Variants in PTPRN2 observed in about 807,000 individuals in gnomAD.
PTPRN2 encodes the protein protein tyrosine phosphatase receptor type N2.
PTPRN2 carries 74 observed loss-of-function variants against 118.8 expected under a neutral mutation model. The observed-to-expected ratio is 0.62, with a 90% CI of 0.52 to 0.76. PTPRN2 has a LOEUF of 0.76. PTPRN2 is among the 30% of genes least tolerant of loss of function. The pLI, the probability that PTPRN2 is intolerant of heterozygous loss-of-function variation, is 0.00. For missense variants in PTPRN2, 1,481 were observed against 1,394.4 expected (o/e 1.06, Z -0.99); for synonymous variants, 641 against 608.0 (o/e 1.05, Z -0.80).
chr7:158,001,834 G>A (rs540519097), intron 11 of PTPRN2, among the ~76,000 whole-genome samples: 92 of 152,336 alleles, frequency 6.0e-4, no homozygotes, highest in Non-Finnish European at 9.9e-4. Flanking sequence ...ACCCGGAACC[G>A]TGCCAGGCAC....
At chr7:158,193,381 A>G (rs1044278045) in intron 4 of PTPRN2, among the ~76,000 whole-genome samples, 1 of 152,206 alleles carries the variant, frequency 6.6e-6, no homozygotes, top group Non-Finnish European at 1.5e-5. Context: ...TGGGGCCCCC[A>G]TCACCAGCTT....
Position 157,585,063 on chromosome 7 carries a change from A to G in PTPRN2, c.2497-6923T>C, listed in dbSNP as rs528265964. ...CCTGGCTTTTTTTTAGTAAACAAAT[A>G]TCTCAGTGTGGGATTCATTTAGGGA... On this transcript the variant is annotated intron_variant, in intron 17 of 22. Coordinates refer to ENST00000389418, the MANE Select transcript of PTPRN2 (RefSeq NM_002847.5). The surrounding 1 kb of genome is among the most constrained non-coding windows in gnomAD (Gnocchi z 5.2). Among the ~76,000 whole-genome samples, 1 of 152,096 alleles carries G rather than the reference A, an allele frequency of 6.6e-6. No individual in the cohort carries two copies. The highest frequency in any genetic ancestry group is 1.5e-5 in the Non-Finnish European group (1 of 68,022).
At chr7:158,408,128 A>C (rs1399188193) in intron 2 of PTPRN2, among the ~76,000 whole-genome samples, 1 of 152,244 alleles carries the variant, frequency 6.6e-6, no homozygotes, top group East Asian at 1.9e-4. Flanking sequence ...AGTTACACTG[A>C]CATCTGGTGG....
intron 2 of PTPRN2, among the ~76,000 whole-genome samples, chr7:158,376,478 A>G (rs1450138261): frequency 8.8e-6 from 1 of 113,342 alleles, no homozygotes; most frequent in African/African-American, 3.5e-5. Flanking sequence ...ACGTCCTGAG[A>G]GGGGGGTCAG....
chr7:158,155,499 T>TTGC (rs1821639473), intron 6 of PTPRN2, among the ~76,000 whole-genome samples: 2 of 86,812 alleles, frequency 2.3e-5, no homozygotes, highest in Non-Finnish European at 4.8e-5. Context: ...ACCATCACCA[T>TTGC]CATCACCAAT....
intron 12 of PTPRN2, among the ~76,000 whole-genome samples, chr7:157,695,760 C>T (rs1205278536): frequency 1.3e-5 from 2 of 152,198 alleles, no homozygotes; most frequent in East Asian, 3.8e-4. Flanking sequence ...GTGAGAAGTC[C>T]TTATTCATCA....
intron 11 of PTPRN2, among the ~76,000 whole-genome samples, chr7:158,032,057 A>G (rs9638116): frequency 0.91 from 138,412 of 152,308 alleles, 63,072 homozygotes; most frequent in African/African-American, 0.97. Flanking sequence ...AAAGAAGAGC[A>G]GCCATTCTGG....
rs145381814 is a variant in PTPRN2, at chr7:157,622,142, G to A, written c.2197-633C>T. On this transcript the variant is annotated intron_variant, in intron 14 of 22. Transcript: ENST00000389418. The surrounding 1 kb of genome is among the most constrained non-coding windows in gnomAD (Gnocchi z 5.3). ...CCCATGCCGCCAGCACAGCCCACTC[G>A]GTTCTTATTCATCTGTACCGTTGAG... 3.0e-4 allele frequency among the ~76,000 whole-genome samples: 46 copies of A among 152,048 alleles called. No homozygotes were observed. The highest frequency in any genetic ancestry group is 9.9e-4 in the African/African-American group (41 of 41,484).
chr7:157,996,511 C>T lies in PTPRN2; in HGVS notation c.1723+84787G>A, dbSNP rs145086776. On this transcript the variant is annotated intron_variant, in intron 11 of 22. Transcript: ENST00000389418. ...GCCAGGGGAGCTTTGGTCTCTCACA[C>T]GGCTTAGAGCCCTTCCTTCCAAGGC... 3.2e-3 allele frequency among the ~76,000 whole-genome samples: 480 copies of T among 152,302 alleles called. 4 individuals are homozygous for T. Among genetic ancestry groups the T allele is most frequent in the Middle Eastern group, 0.01 (3 of 294 alleles).
At position 158,133,818 on chromosome 7, in the gene PTPRN2, T is replaced by C. The variant is rs1585559297; in HGVS notation, c.1415A>G (p.Glu472Gly). ...GGGCCCAGGCATCTGGTTTTGGAGC[T>C]CCCCAAACGCAGCGGCCCCGGGCTC... The part of the protein sequence containing the change: ...HSEPGAAAFG[E>G]LQNQMPGPSK... The change falls in exon 9 of 23, where the codon GAG becomes GGG. Residue 472 changes from glutamate (E) to glycine (G), a missense_variant. Glu to Gly is a moderately conservative substitution (Grantham distance 98). Around this residue, in one of 3 missense-constraint regions of PTPRN2, gnomAD observed 1,115 missense variants for 994.2 expected, o/e 1.12. Transcript: ENST00000389418. 3 of 1,613,784 alleles carry C rather than the reference T, an allele frequency of 1.9e-6. No individual in the cohort carries two copies. The highest frequency in any genetic ancestry group is 1.6e-4 in the Middle Eastern group (1 of 6,082).
At position 157,869,922 on chromosome 7, in the gene PTPRN2, T is replaced by C. The variant is rs1810948810; in HGVS notation, c.1788+28751A>G. Among the ~76,000 whole-genome samples the C allele has an allele frequency of 6.6e-6, 1 of 152,214 alleles. No homozygotes were observed. The highest frequency in any genetic ancestry group is 1.5e-5 in the Non-Finnish European group (1 of 68,042). On this transcript the variant is annotated intron_variant, in intron 12 of 22. Coordinates refer to ENST00000389418, the MANE Select transcript of PTPRN2 (RefSeq NM_002847.5). This position sits in a 1 kb window ranked among gnomAD's most constrained non-coding sequence, Gnocchi z 4.2. Reference sequence around the variant, plus strand: ...TTGAGCATCCCAACATCTACTGCCATGACCTTTGCTCTTGATCAGTCTGCT... The same window carrying C: ...TTGAGCATCCCAACATCTACTGCCACGACCTTTGCTCTTGATCAGTCTGCT...
At chr7:157,950,857 G>A (rs891051724) in intron 11 of PTPRN2, among the ~76,000 whole-genome samples, 1 of 152,220 alleles carries the variant, frequency 6.6e-6, no homozygotes, top group Admixed American at 6.5e-5. Context: ...CGGAAGTCAG[G>A]TGCAGATGTG....
At chr7:158,252,344 A>G (rs572762866) in intron 3 of PTPRN2, among the ~76,000 whole-genome samples, 2 of 152,298 alleles carry the variant, frequency 1.3e-5, no homozygotes, top group South Asian at 4.1e-4. Flanking sequence ...CCCCGTGCCC[A>G]GGGTGGTGAG....
At chr7:158,372,868 TG>T (rs1243535460) in intron 2 of PTPRN2, among the ~76,000 whole-genome samples, 2 of 152,226 alleles carry the variant, frequency 1.3e-5, no homozygotes, top group Non-Finnish European at 2.9e-5. Context: ...TTCTCCAGGC[TG>T]TGATTCAGCA....
intron 1 of PTPRN2, among the ~76,000 whole-genome samples, chr7:158,523,485 AGTGGAGT>A (rs1824408750): frequency 9.5e-6 from 1 of 104,776 alleles, no homozygotes; most frequent in African/African-American, 3.9e-5. Flanking sequence ...TCTGCCCTGG[AGTGGAGT>A]CGTCTGCCCT....
In PTPRN2 at chr7:157,990,271, C is replaced by A. The variant is rs146901732; in HGVS notation, c.1723+91027G>T. Among the ~76,000 whole-genome samples the A allele has an allele frequency of 3.0e-3, 453 of 152,196 alleles. 7 individuals are homozygous for A. The highest frequency in any genetic ancestry group is 8.8e-3 in the East Asian group (45 of 5,136). On this transcript the variant is annotated intron_variant, in intron 11 of 22. Coordinates refer to ENST00000389418, the MANE Select transcript of PTPRN2 (RefSeq NM_002847.5). The surrounding 1 kb of genome is among the most constrained non-coding windows in gnomAD (Gnocchi z 4.3). ...GAGTTCAACAGATCATAAGCAGGATCCAGGGTCGTGTAGCGACACAGCTTC... is the reference window on the plus strand; with the variant it reads ...GAGTTCAACAGATCATAAGCAGGATACAGGGTCGTGTAGCGACACAGCTTC...
At chr7:157,636,830 C>T (rs1395813760) in intron 14 of PTPRN2, among the ~76,000 whole-genome samples, 1 of 152,216 alleles carries the variant, frequency 6.6e-6, no homozygotes, top group East Asian at 1.9e-4. Flanking sequence ...CTCTGCTTAG[C>T]AATAATTAAA....
At chr7:157,748,573 T>G (rs548110819) in intron 12 of PTPRN2, among the ~76,000 whole-genome samples, 4 of 147,378 alleles carry the variant, frequency 2.7e-5, no homozygotes, top group African/African-American at 1.0e-4. Context: ...CCCTGAGCTC[T>G]GGGGTGTCTG....
At chr7:158,404,597 G>A (rs1215901725) in intron 2 of PTPRN2, among the ~76,000 whole-genome samples, 3 of 152,070 alleles carry the variant, frequency 2.0e-5, no homozygotes, top group East Asian at 1.9e-4. Flanking sequence ...CCAGTCACTC[G>A]GGAGTCCTGT....
Sources: allele counts gnomAD v4.1 joint callset (sites outside exome capture counted in the v4.1 genomes callset), GRCh38; gene constraint gnomAD v4.1.1; regional missense constraint gnomAD v4.1.1; non-coding constraint Gnocchi (gnomAD v3.1); transcripts MANE v1.5; gene names NCBI Gene and HGNC (gene_info 2026-07-23, HGNC 2026-07-21).